TMX3: variants seen among roughly 807,000 people sequenced by gnomAD.
TMX3 encodes protein disulfide-isomerase TMX3.
Under a neutral mutation model 64.4 loss-of-function variants are expected in TMX3, and 40 were observed. The observed-to-expected ratio is 0.62, with a 90% CI of 0.48 to 0.81. The LOEUF (loss-of-function observed/expected upper bound fraction) is 0.81, where lower values mean the gene tolerates loss of function less well. Among genes scored for constraint, TMX3 ranks in the 30% least tolerant of loss-of-function variants. The pLI, the probability that TMX3 is intolerant of heterozygous loss-of-function variation, is 0.00. For synonymous variants in TMX3, 189 were observed against 175.7 expected (o/e 1.08, Z -0.60); for missense variants, 497 against 534.5 (o/e 0.93, Z 0.69).
chr18:68,708,568 C>G (rs558503300), intron 4 of TMX3, among the ~76,000 whole-genome samples: 3 of 152,234 alleles, frequency 2.0e-5, no homozygotes, highest in African/African-American at 7.2e-5. Flanking sequence ...CCACCCACAA[C>G]AGCAGGCTCC....
At position 68,681,102 on chromosome 18, in the gene TMX3, G is replaced by T; in HGVS notation, c.914C>A (p.Thr305Lys). 6.4e-7 allele frequency: 1 copy of T among 1,553,294 alleles called. No individual in the cohort carries two copies. Among genetic ancestry groups the T allele is most frequent in the Non-Finnish European group, 8.7e-7 (1 of 1,152,566 alleles). Residue 305 changes from threonine (T) to lysine (K), a missense_variant, in exon 14 of 16, where the codon ACA (threonine) becomes AAA (lysine). Thr to Lys is a moderately conservative substitution (Grantham distance 78). Coordinates refer to ENST00000299608, the MANE Select transcript of TMX3 (RefSeq NM_019022.5). The part of the protein sequence containing the change: ...YINTLLMDEL[T>K]VPTVVVLNTS... ...ATTCAGTACAACTACAGTTGGGACT[G>T]TCAATTCACTGAAAATATAAAAACA...
intron 2 of TMX3, among the ~76,000 whole-genome samples, chr18:68,713,030 C>A (rs1033221117): frequency 6.6e-6 from 1 of 151,322 alleles, no homozygotes; most frequent in Non-Finnish European, 1.5e-5. Context: ...AAAAGAGGCA[C>A]CAGCTCCTCA....
At chr18:68,711,489 AATATAAGGG>A in intron 2 of TMX3, 86 bp from the exon 3 acceptor site, 1 of 935,866 alleles carries the variant, frequency 1.1e-6, no homozygotes. Context: ...TACATTGATA[AATATAAGGG>A]AAAGACCCAA....
intron 15 of TMX3, among the ~76,000 whole-genome samples, chr18:68,678,861 T>C (rs1354425002): frequency 6.6e-6 from 1 of 151,594 alleles, no homozygotes; most frequent in Non-Finnish European, 1.5e-5. Flanking sequence ...AGAAAGGATT[T>C]GATCCATCAC....
At position 68,702,175 on chromosome 18, in the gene TMX3, C is replaced by CAAAAAA. The variant is rs375234012; in HGVS notation, c.266-391_266-386dup. On this transcript the variant is annotated intron_variant, in intron 4 of 15. Coordinates refer to ENST00000299608, the MANE Select transcript of TMX3 (RefSeq NM_019022.5). ...TCTTCTAGGTCTCATTTACTCCTCT[C>CAAAAAA]AAAAAAAAAAAAAAAAAAAAAAAAA... is the stretch of plus-strand genomic sequence containing the variant. Among the ~76,000 whole-genome samples the CAAAAAA allele has an allele frequency of 1.4e-3, 60 of 44,058 alleles. 3 individuals are homozygous for CAAAAAA. The highest frequency in any genetic ancestry group is 4.3e-3 in the African/African-American group (57 of 13,208). The allele number at this position is 44,058 out of a possible 152,430, so 28.9% of individuals were successfully genotyped here.
rs981724307 is a variant in TMX3, at chr18:68,680,973, C to T, written c.1035+8G>A. The T allele has an allele frequency of 2.6e-6, 4 of 1,567,708 alleles. No homozygotes were observed. In the African/African-American group the frequency reaches 5.5e-5, roughly 21 times the overall value. On this transcript the variant is annotated splice_region_variant and intron_variant, in intron 14 of 15. Transcript: ENST00000299608. ...ATCATCTCTTTGAAACAGAAGTGAA[C>T]AACTTACTTCTACTGTGCCATCCAA...
chr18:68,711,249 T>G lies in TMX3; in HGVS notation c.141+115A>C, dbSNP rs1167797848. 8 of 575,100 alleles carry G rather than the reference T, an allele frequency of 1.4e-5. No homozygotes were observed. The East Asian group carries it at 2.2e-4, about 16-fold the overall frequency. 35.6% of individuals were successfully genotyped at this position (575,100 alleles called of 1,614,324 possible). The stretch of plus-strand genomic sequence containing the variant: ...ATATAGTAATACTTAAGAAAACAAA[T>G]TGAGTATATACATAAGCACTAGCTG... On this transcript the variant is annotated intron_variant, in intron 3 of 15. Coordinates refer to ENST00000299608, the MANE Select transcript of TMX3 (RefSeq NM_019022.5).
In TMX3 at chr18:68,675,674, T is replaced by C. The variant is rs1235108110; in HGVS notation, c.*1259A>G. 6.6e-6 allele frequency: 1 copy of C among 152,194 alleles called. No individual in the cohort carries two copies. The highest frequency in any genetic ancestry group is 2.4e-5 in the African/African-American group (1 of 41,462). The allele number at this position is 152,194 out of a possible 1,614,324, so 9.4% of individuals were successfully genotyped here. ...AATCATAGTTGCCTAATATAAATTC[T>C]AAACTTAGCTAAAATGAAGGCCTCA... On this transcript the variant is annotated 3_prime_UTR_variant, in exon 16 of 16. Transcript: ENST00000299608.
chr18:68,702,534 C>T (rs901809509), intron 4 of TMX3, among the ~76,000 whole-genome samples: 1 of 152,024 alleles, frequency 6.6e-6, no homozygotes, highest in African/African-American at 2.4e-5. Context: ...ATTAATGCAA[C>T]ACTACTTTAC....
In TMX3 at chr18:68,676,390, TAACA is replaced by T. The variant is rs1912928924; in HGVS notation, c.*539_*542del. ...ACATTTCTTCTCCTTTAAAAATAAC[TAACA>T]AAATAAAACCACTATGCTATATAAA... On this transcript the variant is annotated 3_prime_UTR_variant, in exon 16 of 16. Transcript: ENST00000299608. 6.6e-6 allele frequency: 1 copy of T among 152,200 alleles called. No homozygotes were observed. The highest frequency in any genetic ancestry group is 2.1e-4 in the South Asian group (1 of 4,826). 9.4% of individuals were successfully genotyped at this position (152,200 alleles called of 1,614,324 possible). A position where few individuals can be genotyped will look rare whatever the true frequency, so the allele number is the denominator to read the frequency against.
rs1912777079 is a variant in TMX3 at position 68,674,566 on chromosome 18, T to G, written c.*2367A>C. ...TGATACCTATGTTCTTCCACTAGAT[T>G]CACTTATTAAGAGATCTGTCTTTAT... On this transcript the variant is annotated 3_prime_UTR_variant, in exon 16 of 16. Transcript: ENST00000299608. 1 of 152,096 alleles carries G rather than the reference T, an allele frequency of 6.6e-6. No individual in the cohort carries two copies. Among genetic ancestry groups the G allele is most frequent in the African/African-American group, 2.4e-5 (1 of 41,436 alleles). 9.4% of individuals were successfully genotyped at this position (152,096 alleles called of 1,614,324 possible).
At chr18:68,710,343 C>G (rs950077548) in intron 3 of TMX3, among the ~76,000 whole-genome samples, 199 bp from the exon 4 acceptor site, 2 of 152,034 alleles carry the variant, frequency 1.3e-5, no homozygotes, top group Non-Finnish European at 2.9e-5. Flanking sequence ...CTAGATACCT[C>G]AAAACCGGTA....
chr18:68,704,844 G>C (rs1388552951), intron 4 of TMX3, among the ~76,000 whole-genome samples: 1 of 152,176 alleles, frequency 6.6e-6, no homozygotes, highest in Non-Finnish European at 1.5e-5. Flanking sequence ...GAATCATGGT[G>C]ATCTTGGATA....
Position 68,711,421 on chromosome 18 carries a change from A to C in TMX3, c.102-18T>G, listed in dbSNP as rs201409464. The C allele has an allele frequency of 2.1e-4, 326 of 1,566,606 alleles. 2 individuals are homozygous for C. The South Asian group carries it at 3.6e-3, about 17-fold the overall frequency. Reference sequence around the variant, plus strand: ...CTTTAAACCTAAAAAACAAGAAAACAAATGTTTGATTGTATGTTTGTGTCC... The same window carrying C: ...CTTTAAACCTAAAAAACAAGAAAACCAATGTTTGATTGTATGTTTGTGTCC... On this transcript the variant is annotated intron_variant, in intron 2 of 15. Transcript: ENST00000299608.
Position 68,673,919 on chromosome 18 carries a change from T to C in TMX3, c.*3014A>G, listed in dbSNP as rs1355830930. 6.6e-6 allele frequency: 1 copy of C among 152,192 alleles called. No individual in the cohort carries two copies. The highest frequency in any genetic ancestry group is 1.5e-5 in the Non-Finnish European group (1 of 68,024). The allele number at this position is 152,192 out of a possible 1,614,324, so 9.4% of individuals were successfully genotyped here. A position where few individuals can be genotyped will look rare whatever the true frequency, so the allele number is the denominator to read the frequency against. On this transcript the variant is annotated 3_prime_UTR_variant, in exon 16 of 16. Coordinates refer to ENST00000299608, the MANE Select transcript of TMX3 (RefSeq NM_019022.5). ...TAATCCCACCAATTGATAGTCTTAA[T>C]ATCCTACACTGGTTTATTTGATCAT...
intron 8 of TMX3, among the ~76,000 whole-genome samples, chr18:68,696,747 G>A (rs1181588344): frequency 6.6e-6 from 1 of 152,168 alleles, no homozygotes; most frequent in African/African-American, 2.4e-5. Flanking sequence ...AAAGTGCTGG[G>A]ATTACAGGCA....
chr18:68,698,077 G>A (rs950993729), intron 6 of TMX3, 46 bp from the exon 7 acceptor site: 4 of 1,288,502 alleles, frequency 3.1e-6, no homozygotes, highest in Non-Finnish European at 3.3e-6. Context: ...ATAAACTAAA[G>A]TACATAATTT....
intron 9 of TMX3, among the ~76,000 whole-genome samples, chr18:68,688,175 A>T (rs977432511): frequency 2.0e-5 from 3 of 152,192 alleles, no homozygotes; most frequent in Non-Finnish European, 4.4e-5. Flanking sequence ...ATGAAAAGAT[A>T]AACTCATAGA....
At chr18:68,701,683 A>G in intron 5 of TMX3, 62 bp downstream of exon 5, 2 of 1,606,364 alleles carry the variant, frequency 1.2e-6, no homozygotes, top group Non-Finnish European at 1.7e-6. Context: ...AATTAACGTA[A>G]TAAAATGTAA....
Sources: gnomAD v4.1 joint callset for allele counts (sites outside exome capture counted in the v4.1 genomes callset) on GRCh38, gnomAD v4.1.1 for gene constraint, MANE v1.5 for transcripts, NCBI Gene and HGNC (gene_info 2026-07-23, HGNC 2026-07-21) for gene names.